The following TTC28 variants were observed in gnomAD, a reference collection of about 807,000 sequenced individuals.
The protein encoded by TTC28 is tetratricopeptide repeat domain 28, also known as tetratricopeptide repeat protein 28.
In TTC28, 61 loss-of-function variants were observed where a neutral mutation model predicts 198.0. That is an observed-to-expected ratio of 0.31 (90% confidence interval 0.25 to 0.38). The LOEUF is 0.38. Ranked by LOEUF, TTC28 falls within the 10% of genes least tolerant of loss-of-function variation. The probability of loss-of-function intolerance (pLI) is 1.00; values close to 1 mark genes in which losing one functional copy is unlikely to be tolerated. For synonymous variants in TTC28, 1,171 were observed against 1,297.8 expected, an observed-to-expected ratio of 0.90 and a Z score of 2.10; for missense variants, 2,678 against 3,164.0, an observed-to-expected ratio of 0.85 and a Z score of 3.69.
chr22:28,319,704 G>T (rs1208598056), intron 2 of TTC28, among the ~76,000 whole-genome samples: 1 of 152,138 alleles, frequency 6.6e-6, no homozygotes, highest in Admixed American at 6.5e-5. Context: ...CATTTCATGA[G>T]ATGTGTCACA....
chr22:28,630,013 C>T lies in TTC28; in HGVS notation c.103-183G>A, dbSNP rs1029889025. 7.2e-5 allele frequency among the ~76,000 whole-genome samples: 11 copies of T among 152,084 alleles called. No homozygotes were observed. The South Asian group carries it at 2.1e-3, about 29-fold the overall frequency. Reference sequence around the variant, plus strand: ...AAATCCCTCATGAACAGATTAATGCCCTCCCCTGGGGGTGAGGGAATTCTT... The same window carrying T: ...AAATCCCTCATGAACAGATTAATGCTCTCCCCTGGGGGTGAGGGAATTCTT... On this transcript the variant is annotated intron_variant, in intron 1 of 22. Coordinates refer to ENST00000397906, the MANE Select transcript of TTC28 (RefSeq NM_001145418.2).
intron 12 of TTC28, among the ~76,000 whole-genome samples, chr22:28,093,171 G>A (rs1941863918): frequency 6.6e-6 from 1 of 152,158 alleles, no homozygotes; most frequent in South Asian, 2.1e-4. Flanking sequence ...TTTCACCTAA[G>A]AACTCTTTCT....
intron 2 of TTC28, among the ~76,000 whole-genome samples, chr22:28,489,336 C>T (rs1171247646): frequency 1.3e-5 from 2 of 151,600 alleles, no homozygotes; most frequent in Admixed American, 6.6e-5. Context: ...ACTCTGCCTC[C>T]ATAAGTCAGA....
At chr22:28,639,355 A>G (rs1206133797) in intron 1 of TTC28, among the ~76,000 whole-genome samples, 2 of 152,222 alleles carry the variant, frequency 1.3e-5, no homozygotes, top group Non-Finnish European at 2.9e-5. Context: ...TATGAGTGTA[A>G]CTTTTTCCTT....
intron 1 of TTC28, among the ~76,000 whole-genome samples, chr22:28,654,705 GT>G (rs1337586745): frequency 2.6e-5 from 4 of 152,306 alleles, no homozygotes; most frequent in African/African-American, 9.6e-5. Context: ...CCTTTAGGAT[GT>G]TATCACAAAT....
At chr22:28,361,219 G>A (rs1200651994) in intron 2 of TTC28, among the ~76,000 whole-genome samples, 1 of 152,158 alleles carries the variant, frequency 6.6e-6, no homozygotes, top group African/African-American at 2.4e-5. Flanking sequence ...CAAAAGCTGA[G>A]ATAGGCCAAA....
intron 6 of TTC28, among the ~76,000 whole-genome samples, chr22:28,113,456 C>T (rs984796916): frequency 2.0e-5 from 3 of 152,078 alleles, no homozygotes; most frequent in Admixed American, 6.5e-5. Context: ...TGTGACCTGG[C>T]GAAAGTAATG....
chr22:27,990,055 A>T, intron 20 of TTC28, 48 bp from the exon 21 acceptor site: 1 of 1,531,500 alleles, frequency 6.5e-7, no homozygotes, highest in Non-Finnish European at 8.8e-7. Flanking sequence ...CTTCCCCTCC[A>T]GCCCACCTCA....
chr22:28,593,950 T>C (rs1386250683), intron 2 of TTC28, among the ~76,000 whole-genome samples: 3 of 152,134 alleles, frequency 2.0e-5, no homozygotes, highest in Admixed American at 6.6e-5. Context: ...AAAAATCAGC[T>C]ATAGAGCTAT....
chr22:28,569,812 C>T (rs933345818), intron 2 of TTC28, among the ~76,000 whole-genome samples: 8 of 152,202 alleles, frequency 5.3e-5, no homozygotes, highest in African/African-American at 1.4e-4. Context: ...AACTATGCAT[C>T]TAACAATGGC....
intron 12 of TTC28, among the ~76,000 whole-genome samples, chr22:28,040,055 A>T (rs1301693668): frequency 6.6e-6 from 1 of 152,224 alleles, no homozygotes. Context: ...TGAATCCCTG[A>T]ATAGACCAAT....
intron 2 of TTC28, among the ~76,000 whole-genome samples, chr22:28,533,059 C>T (rs1423511934): frequency 6.6e-6 from 1 of 152,086 alleles, no homozygotes; most frequent in East Asian, 1.9e-4. Context: ...CTGGCCAGGG[C>T]AATCAGGCAG....
chr22:28,243,174 CAAA>C (rs754700795), intron 5 of TTC28, among the ~76,000 whole-genome samples: 7 of 68,328 alleles, frequency 1.0e-4, no homozygotes, highest in African/African-American at 1.3e-4. Flanking sequence ...CCCCTCTCTA[CAAA>C]AAAAAAAAAA....
intron 5 of TTC28, among the ~76,000 whole-genome samples, chr22:28,245,831 A>T (rs1930048379): frequency 1.3e-5 from 2 of 152,168 alleles, no homozygotes. Context: ...GACCTTTCAC[A>T]ATCAGGCTCC....
At chr22:28,650,293 C>T (rs2051544249) in intron 1 of TTC28, among the ~76,000 whole-genome samples, 1 of 151,960 alleles carries the variant, frequency 6.6e-6, no homozygotes, top group African/African-American at 2.4e-5. Flanking sequence ...AATTTGCGTG[C>T]CTATGGACAA....
intron 2 of TTC28, among the ~76,000 whole-genome samples, chr22:28,356,530 T>C (rs1308577671): frequency 2.6e-5 from 4 of 152,216 alleles, no homozygotes; most frequent in African/African-American, 9.6e-5. Flanking sequence ...CTCAACAAGT[T>C]ATACTTTTTA....
At chr22:28,671,290 T>G (rs1822790139) in intron 1 of TTC28, among the ~76,000 whole-genome samples, 1 of 152,092 alleles carries the variant, frequency 6.6e-6, no homozygotes, top group Non-Finnish European at 1.5e-5. Flanking sequence ...GCATAGTAAG[T>G]TATTAATATA....
intron 2 of TTC28, among the ~76,000 whole-genome samples, chr22:28,418,481 T>G (rs2047198823): frequency 6.6e-6 from 1 of 152,230 alleles, no homozygotes; most frequent in Non-Finnish European, 1.5e-5. Flanking sequence ...TATGACTTGC[T>G]TTATCTAACT....
chr22:28,468,062 T>C (rs2048048314), intron 2 of TTC28, among the ~76,000 whole-genome samples: 1 of 152,150 alleles, frequency 6.6e-6, no homozygotes, highest in Non-Finnish European at 1.5e-5. Flanking sequence ...CAGGAGCCAC[T>C]GTGCCTGGCC....
Sources: allele counts gnomAD v4.1 joint callset (sites outside exome capture counted in the v4.1 genomes callset), GRCh38; gene constraint gnomAD v4.1.1; transcripts MANE v1.5; gene names NCBI Gene and HGNC (gene_info 2026-07-23, HGNC 2026-07-21).